Variants in ROBO1 observed in about 807,000 individuals in gnomAD.
ROBO1 encodes roundabout guidance receptor 1, also known as roundabout homolog 1.
A neutral mutation model predicts 195.9 loss-of-function variants in ROBO1; 149 were observed. That is an observed-to-expected ratio of 0.76 (90% CI 0.67 to 0.87). The LOEUF is 0.87. Ranked by LOEUF, ROBO1 falls within the 40% of genes least tolerant of loss-of-function variation. ROBO1 has a pLI of 0.00. For missense variants in ROBO1, 1,933 were observed against 2,068.3 expected (o/e 0.93, Z 1.27); for synonymous variants, 816 against 733.2 (o/e 1.11, Z -1.82).
At chr3:79,522,872 C>T (rs1941267008) in intron 2 of ROBO1, among the ~76,000 whole-genome samples, 1 of 152,036 alleles carries the variant, frequency 6.6e-6, no homozygotes, top group Non-Finnish European at 1.5e-5. Context: ...CACTCATTGT[C>T]TGGGAGGTCA....
intron 1 of ROBO1, among the ~76,000 whole-genome samples, chr3:79,621,799 CA>C (rs1321384230): frequency 2.0e-5 from 3 of 152,022 alleles, no homozygotes; most frequent in Non-Finnish European, 4.4e-5. Context: ...ATATTTGTAT[CA>C]AAAAATCATA....
rs1011976886 is a variant in ROBO1, at chr3:78,744,412, G to A, written c.657+2331C>T. On this transcript the variant is annotated intron_variant, in intron 5 of 30. Transcript: ENST00000464233. ...CTCTACCATTGCCACGTTTCAGTGT[G>A]TTCTCAAGAGAGCAGAGGCTTCCCA... 2.6e-5 allele frequency among the ~76,000 whole-genome samples: 4 copies of A among 152,260 alleles called. No homozygotes were observed. In the Middle Eastern group the frequency reaches 0.01, roughly 388 times the overall value.
chr3:79,613,612 G>GA (rs1944731291), intron 1 of ROBO1, among the ~76,000 whole-genome samples: 2 of 152,044 alleles, frequency 1.3e-5, no homozygotes, highest in East Asian at 1.9e-4. Flanking sequence ...CAGATTAGAT[G>GA]AAAAAACAAG....
chr3:79,099,032 A>T (rs909815643), intron 3 of ROBO1, among the ~76,000 whole-genome samples: 1 of 151,750 alleles, frequency 6.6e-6, no homozygotes, highest in Admixed American at 6.6e-5. Flanking sequence ...ATAGTATGTG[A>T]CTAATTTTTT....
intron 2 of ROBO1, among the ~76,000 whole-genome samples, chr3:79,403,760 AAG>A (rs1437630101): frequency 6.6e-6 from 1 of 152,052 alleles, no homozygotes; most frequent in Non-Finnish European, 1.5e-5. Context: ...ACAAAACAAA[AAG>A]AAAAAAAATG....
Position 78,742,150 on chromosome 3 carries a change from C to G in ROBO1, c.657+4593G>C, listed in dbSNP as rs200845092. On this transcript the variant is annotated intron_variant, in intron 5 of 30. Transcript: ENST00000464233. ...TACTTTAAATTTTCAACAAAGAAAG[C>G]CACCACATTAAAGAACTCTAGAAAT... Among the ~76,000 whole-genome samples, 9 of 152,152 alleles carry G rather than the reference C, an allele frequency of 5.9e-5. No homozygotes were observed. The East Asian group carries it at 1.7e-3, about 29-fold the overall frequency.
Position 78,657,106 on chromosome 3 carries a change from A to C in ROBO1, c.2606T>G (p.Ile869Ser). Residue 869 changes from isoleucine to serine, a missense_variant, in exon 18 of 31, where the codon ATC (isoleucine) becomes AGC (serine). Coordinates refer to ENST00000464233, the MANE Select transcript of ROBO1 (RefSeq NM_002941.4). ...GSGVKSEPQFIQLDAHGNPVS... is the reference protein window; with the variant it reads ...GSGVKSEPQFSQLDAHGNPVS... ...TCTGCACTGACACTCACCCAGCTGGATGAACTGAGGCTCACTCTTTACCCC... is the reference window on the plus strand; with the variant it reads ...TCTGCACTGACACTCACCCAGCTGGCTGAACTGAGGCTCACTCTTTACCCC... The C allele has an allele frequency of 6.2e-7, 1 of 1,607,150 alleles. No individual in the cohort carries two copies. Among genetic ancestry groups the C allele is most frequent in the Non-Finnish European group, 8.5e-7 (1 of 1,176,744 alleles).
intron 2 of ROBO1, among the ~76,000 whole-genome samples, chr3:79,334,099 A>C (rs1205040277): frequency 1.3e-5 from 2 of 151,700 alleles, no homozygotes; most frequent in Non-Finnish European, 2.9e-5. Flanking sequence ...TGAGGTTAGG[A>C]GTTGGAGACC....
intron 4 of ROBO1, among the ~76,000 whole-genome samples, chr3:78,856,781 T>C (rs1028598122): frequency 1.3e-5 from 2 of 151,446 alleles, no homozygotes; most frequent in African/African-American, 2.4e-5. Flanking sequence ...ATGTTTTATA[T>C]ATTTTATATA....
At position 78,685,925 on chromosome 3, in the gene ROBO1, C is replaced by G; in HGVS notation, c.1171-8G>C. On this transcript the variant is annotated splice_region_variant and splice_polypyrimidine_tract_variant and intron_variant, in intron 9 of 30. Coordinates refer to ENST00000464233, the MANE Select transcript of ROBO1 (RefSeq NM_002941.4). ...ATATGAGAAAAGTAGATTCTAGAAC[C>G]CAGAAATTGGGATGGAGGAAAATAA... The G allele has an allele frequency of 1.9e-6, 3 of 1,549,486 alleles. 1 individual carries two copies. The highest frequency in any genetic ancestry group is 8.8e-7 in the Non-Finnish European group (1 of 1,141,866).
At chr3:78,879,311 GATAT>G (rs1321082986) in intron 4 of ROBO1, among the ~76,000 whole-genome samples, 4 of 152,082 alleles carry the variant, frequency 2.6e-5, no homozygotes, top group African/African-American at 7.2e-5. Context: ...GATCTGAGTT[GATAT>G]ATGTGTGACA....
intron 2 of ROBO1, among the ~76,000 whole-genome samples, chr3:79,480,534 T>C (rs1171664832): frequency 6.6e-6 from 1 of 152,160 alleles, no homozygotes; most frequent in Non-Finnish European, 1.5e-5. Context: ...CATCTTATTG[T>C]ACACACTAGG....
At chr3:79,360,639 G>A (rs1483095785) in intron 2 of ROBO1, among the ~76,000 whole-genome samples, 2 of 151,910 alleles carry the variant, frequency 1.3e-5, no homozygotes, top group East Asian at 3.9e-4. Flanking sequence ...ACATGGATTA[G>A]TCACTTTGTT....
chr3:79,178,745 C>T (rs1306324536), intron 2 of ROBO1, among the ~76,000 whole-genome samples: 1 of 152,118 alleles, frequency 6.6e-6, no homozygotes, highest in Non-Finnish European at 1.5e-5. Context: ...CCCCAAAGTG[C>T]CCATCATAAT....
At chr3:79,642,670 C>A (rs533432169) in intron 1 of ROBO1, among the ~76,000 whole-genome samples, 1 of 152,172 alleles carries the variant, frequency 6.6e-6, no homozygotes, top group East Asian at 1.9e-4. Flanking sequence ...ACAAATCTAT[C>A]CTTAATTATA....
At chr3:79,029,183 T>C (rs2078251852) in intron 3 of ROBO1, among the ~76,000 whole-genome samples, 1 of 152,080 alleles carries the variant, frequency 6.6e-6, no homozygotes, top group African/African-American at 2.4e-5. Flanking sequence ...TAACATCATC[T>C]ATTTCTTGAT....
At chr3:78,768,749 G>A (rs578212337) in intron 4 of ROBO1, among the ~76,000 whole-genome samples, 32 of 151,626 alleles carry the variant, frequency 2.1e-4, no homozygotes, top group Non-Finnish European at 4.1e-4. Flanking sequence ...GCGCTGGTGC[G>A]CTGCACCCAC....
At position 78,763,064 on chromosome 3, in the gene ROBO1, G is replaced by A. The variant is rs146752150; in HGVS notation, c.500-16164C>T. On this transcript the variant is annotated intron_variant, in intron 4 of 30. Transcript: ENST00000464233. ...AAACTCTATAAATAATTGACAGCTC[G>A]TACAACCATAATTAATTGATCTAAG... Among the ~76,000 whole-genome samples the A allele has an allele frequency of 2.4e-4, 36 of 152,150 alleles. No homozygotes were observed. In the East Asian group the frequency reaches 5.8e-3, roughly 25 times the overall value.
intron 3 of ROBO1, among the ~76,000 whole-genome samples, chr3:79,121,987 C>T (rs113390503): frequency 0.018 from 2,687 of 151,914 alleles, 91 homozygotes; most frequent in African/African-American, 0.061. Flanking sequence ...ATAAATTATA[C>T]GTATATTTCA....
Sources: allele counts gnomAD v4.1 joint callset (sites outside exome capture counted in the v4.1 genomes callset), GRCh38; gene constraint gnomAD v4.1.1; transcripts MANE v1.5; gene names NCBI Gene and HGNC (gene_info 2026-07-23, HGNC 2026-07-21).